Variants in NELL1 observed in about 807,000 individuals in gnomAD.
The protein encoded by NELL1 is protein kinase C-binding protein NELL1.
A neutral mutation model predicts 107.4 loss-of-function variants in NELL1; 76 were observed. That is an observed-to-expected ratio of 0.71 (90% CI 0.59 to 0.86). The LOEUF (loss-of-function observed/expected upper bound fraction) is 0.86, where lower values mean the gene tolerates loss of function less well. Ranked by LOEUF, NELL1 falls within the 40% of genes least tolerant of loss-of-function variation. The pLI is 0.00. For missense variants in NELL1, 1,024 were observed against 1,005.5 expected, an observed-to-expected ratio of 1.02 and a Z score of -0.25; for synonymous variants, 353 against 341.2, an observed-to-expected ratio of 1.03 and a Z score of -0.38.
chr11:21,066,796 A>G (rs1468305892), intron 12 of NELL1, among the ~76,000 whole-genome samples: 2 of 151,932 alleles, frequency 1.3e-5, no homozygotes, highest in Non-Finnish European at 2.9e-5. Context: ...TCTACTAAAA[A>G]TACAAAAGTT....
chr11:21,123,681 G>A (rs1690645680), intron 13 of NELL1, among the ~76,000 whole-genome samples: 1 of 152,042 alleles, frequency 6.6e-6, no homozygotes, highest in South Asian at 2.1e-4. Flanking sequence ...GCCTAGAAAT[G>A]TTTATTTATA....
intron 4 of NELL1, among the ~76,000 whole-genome samples, chr11:20,858,727 G>A (rs1022218472): frequency 5.3e-5 from 8 of 152,192 alleles, no homozygotes; most frequent in African/African-American, 1.9e-4. Context: ...AGCCCCCTGG[G>A]GGTGGGGAGG....
chr11:20,944,690 A>G (rs1850927474), intron 10 of NELL1, among the ~76,000 whole-genome samples: 2 of 152,222 alleles, frequency 1.3e-5, no homozygotes, highest in Non-Finnish European at 2.9e-5. Context: ...AAAGCTATAA[A>G]AGGTTTGTGC....
At chr11:21,073,395 C>A (rs1854061778) in intron 12 of NELL1, among the ~76,000 whole-genome samples, 1 of 152,068 alleles carries the variant, frequency 6.6e-6, no homozygotes, top group African/African-American at 2.4e-5. Flanking sequence ...TGTGGTCTGA[C>A]AATTTTGGGA....
At chr11:21,254,474 C>G (rs1858720084) in intron 14 of NELL1, among the ~76,000 whole-genome samples, 1 of 151,834 alleles carries the variant, frequency 6.6e-6, no homozygotes, top group African/African-American at 2.4e-5. Flanking sequence ...AACATTTGCT[C>G]AATTTATACG....
chr11:21,435,257 C>T (rs1260177776), intron 15 of NELL1, among the ~76,000 whole-genome samples: 1 of 152,014 alleles, frequency 6.6e-6, no homozygotes, highest in East Asian at 1.9e-4. Flanking sequence ...ATTCTATCTT[C>T]TTCCAGCAAT....
At chr11:20,885,333 T>G (rs1200833810) in intron 4 of NELL1, 111 bp from the exon 5 acceptor site, 2 of 702,262 alleles carry the variant, frequency 2.8e-6, no homozygotes, top group Admixed American at 2.0e-5. Context: ...GTGCCACATA[T>G]TGGCTTCTCT....
intron 3 of NELL1, among the ~76,000 whole-genome samples, chr11:20,796,015 G>A (rs957332415): frequency 2.6e-5 from 4 of 152,048 alleles, no homozygotes; most frequent in Non-Finnish European, 4.4e-5. Flanking sequence ...GTTATTGGAA[G>A]GATTAAACAA....
intron 15 of NELL1, among the ~76,000 whole-genome samples, chr11:21,396,623 T>C (rs994915187): frequency 6.6e-6 from 1 of 151,630 alleles, no homozygotes; most frequent in Admixed American, 6.6e-5. Flanking sequence ...GAGAGGCACA[T>C]AAATAATTAT....
chr11:21,514,346 A>G (rs963786658), intron 15 of NELL1, among the ~76,000 whole-genome samples: 1 of 152,340 alleles, frequency 6.6e-6, no homozygotes, highest in South Asian at 2.1e-4. Context: ...AAACATAATT[A>G]TAATGTTAGA....
intron 2 of NELL1, among the ~76,000 whole-genome samples, chr11:20,780,728 A>G (rs1299200987): frequency 6.6e-6 from 1 of 152,236 alleles, no homozygotes; most frequent in Non-Finnish European, 1.5e-5. Flanking sequence ...TGGAGAGGCC[A>G]GAAGATTGCA....
At chr11:21,571,869 G>A (rs1234543321) in intron 18 of NELL1, among the ~76,000 whole-genome samples, 1 of 151,858 alleles carries the variant, frequency 6.6e-6, no homozygotes, top group Non-Finnish European at 1.5e-5. Flanking sequence ...ACTATTAGCT[G>A]TGTGTCCGTA....
intron 15 of NELL1, among the ~76,000 whole-genome samples, chr11:21,417,905 A>G (rs1421698259): frequency 6.6e-6 from 1 of 151,978 alleles, no homozygotes; most frequent in Non-Finnish European, 1.5e-5. Flanking sequence ...TCCAAATCCC[A>G]TCCAGCTCAA....
intron 12 of NELL1, among the ~76,000 whole-genome samples, chr11:20,997,085 A>T (rs1852107701): frequency 6.6e-6 from 1 of 152,224 alleles, no homozygotes; most frequent in Admixed American, 6.5e-5. Flanking sequence ...ACACTGTAAC[A>T]ACTAGATGAT....
chr11:20,937,943 G>A, intron 10 of NELL1, 84 bp downstream of exon 10: 1 of 1,310,926 alleles, frequency 7.6e-7, no homozygotes, highest in Non-Finnish European at 1.1e-6. Flanking sequence ...CTTGAGTGGG[G>A]CATATTGGCC....
intron 12 of NELL1, among the ~76,000 whole-genome samples, chr11:21,079,253 ACATAAAGCAAATAT>A (rs1177127899): frequency 4.6e-5 from 7 of 152,082 alleles, no homozygotes; most frequent in Admixed American, 3.9e-4. Flanking sequence ...ACATGAAAAC[ACATAAAGCAAATAT>A]CTTAAGCAAG....
At chr11:20,977,237 T>A (rs1254797783) in intron 12 of NELL1, among the ~76,000 whole-genome samples, 2 of 151,652 alleles carry the variant, frequency 1.3e-5, no homozygotes, top group Non-Finnish European at 2.9e-5. Context: ...TAAAGTGACA[T>A]GTCCAAGATT....
chr11:21,075,130 T>C (rs934156610), intron 12 of NELL1, among the ~76,000 whole-genome samples: 2 of 152,100 alleles, frequency 1.3e-5, no homozygotes, highest in Admixed American at 6.6e-5. Context: ...TATTTAGACT[T>C]TCAGATTATT....
At chr11:20,747,278 AGAATGTGCT>A (rs1224908749) in intron 2 of NELL1, among the ~76,000 whole-genome samples, 4 of 152,226 alleles carry the variant, frequency 2.6e-5, no homozygotes, top group South Asian at 2.1e-4. Context: ...TAGTGGAAAC[AGAATGTGCT>A]GAATCTTTTG....
Sources: allele counts gnomAD v4.1 joint callset (sites outside exome capture counted in the v4.1 genomes callset), GRCh38; gene constraint gnomAD v4.1.1; transcripts MANE v1.5; gene names NCBI Gene and HGNC (gene_info 2026-07-23, HGNC 2026-07-21).